The following MED15 variants were observed in gnomAD, a reference collection of about 807,000 sequenced individuals.
MED15 encodes mediator complex subunit 15.
A neutral mutation model predicts 118.7 loss-of-function variants in MED15; 41 were observed. The observed-to-expected ratio is 0.35, with a 90% CI of 0.27 to 0.45. The LOEUF (loss-of-function observed/expected upper bound fraction) is 0.45. Ranked by LOEUF, MED15 falls within the 20% of genes least tolerant of loss-of-function variation. The pLI, the probability that MED15 is intolerant of heterozygous loss-of-function variation, is 1.00. For synonymous variants in MED15, 436 were observed against 413.9 expected (o/e 1.05, Z -0.65); for missense variants, 740 against 1,025.5 (o/e 0.72, Z 3.80).
intron 1 of MED15, among the ~76,000 whole-genome samples, chr22:20,519,325 T>C (rs165845): frequency 0.99 from 151,349 of 152,308 alleles, 75,205 homozygotes; most frequent in East Asian, 1. Context: ...ATAGAGGCCC[T>C]GTGATTGGGT....
rs1168063111 is a variant in MED15, at chr22:20,585,840, G to A, written c.2230+14G>A. 2 of 1,611,700 alleles carry A rather than the reference G, an allele frequency of 1.2e-6. No individual in the cohort carries two copies. The highest frequency in any genetic ancestry group is 1.7e-5 in the Admixed American group (1 of 59,990). On this transcript the variant is annotated intron_variant, in intron 17 of 17. Transcript: ENST00000263205. ...AGTGGCAGTACGGTAGGTAGACCCA[G>A]AGGAGCTGTCTGGGGACCCAGGGCA...
intron 2 of MED15, among the ~76,000 whole-genome samples, chr22:20,550,772 G>A (rs1473224733): frequency 2.0e-5 from 3 of 152,282 alleles, no homozygotes; most frequent in Non-Finnish European, 2.9e-5. Flanking sequence ...AGAGGACAAT[G>A]GGTGGGAGGC....
rs1415717245 is a variant in MED15, at chr22:20,587,188, C to T, written c.*484C>T. ...TGCTGCTTTGGGCAGGTGGAGCACC[C>T]CCCGAGGAAGCCTGCAAGTCCAGGG... is the stretch of plus-strand genomic sequence containing the variant. On this transcript the variant is annotated 3_prime_UTR_variant, in exon 18 of 18. Transcript: ENST00000263205. 2 of 162,646 alleles carry T rather than the reference C, an allele frequency of 1.2e-5. No homozygotes were observed. Among genetic ancestry groups the T allele is most frequent in the African/African-American group, 4.8e-5 (2 of 41,804 alleles). The allele number at this position is 162,646 out of a possible 1,614,324, so 10.1% of individuals were successfully genotyped here.
At chr22:20,585,862 G>T in intron 17 of MED15, 36 bp downstream of exon 17, 4 of 1,592,372 alleles carry the variant, frequency 2.5e-6, no homozygotes, top group Non-Finnish European at 3.4e-6. Flanking sequence ...GGGGACCCAG[G>T]GCAAGCAGGG....
chr22:20,555,523 A>G (rs1161080497), intron 5 of MED15, among the ~76,000 whole-genome samples: 5 of 152,220 alleles, frequency 3.3e-5, no homozygotes, highest in South Asian at 4.1e-4. Flanking sequence ...AGCTCTGGGC[A>G]CCATCTCTTC....
intron 1 of MED15, among the ~76,000 whole-genome samples, chr22:20,530,051 C>A (rs1189216972): frequency 6.6e-6 from 1 of 152,124 alleles, no homozygotes; most frequent in Non-Finnish European, 1.5e-5. Context: ...ATGGGAAAAT[C>A]TTTTTTCCTT....
Position 20,582,892 on chromosome 22 carries a change from C to G in MED15, c.1462C>G (p.Pro488Ala). 1 of 1,613,630 alleles carries G rather than the reference C, an allele frequency of 6.2e-7. No individual in the cohort carries two copies. Among genetic ancestry groups the G allele is most frequent in the Non-Finnish European group, 8.5e-7 (1 of 1,180,008 alleles). ...SSFLPSPSPQ[P>A]SQSPVTARTP... Reference sequence around the variant, plus strand: ...CTTCCTGCCCAGCCCCTCACCGCAGCCCTCCCAGAGCCCAGTGACGGCGCG... The same window carrying G: ...CTTCCTGCCCAGCCCCTCACCGCAGGCCTCCCAGAGCCCAGTGACGGCGCG... Residue 488 changes from proline (P) to alanine (A), a missense_variant, in exon 11 of 18, where the codon CCC (proline) becomes GCC (alanine). Transcript: ENST00000263205.
intron 1 of MED15, chr22:20,523,866 T>C (rs2054544121): frequency 1.0e-6 from 1 of 983,820 alleles, no homozygotes. Context: ...GTTAGTTCTT[T>C]CAATGATCTT....
At chr22:20,539,450 A>G (rs1002493087) in intron 2 of MED15, among the ~76,000 whole-genome samples, 2 of 152,174 alleles carry the variant, frequency 1.3e-5, no homozygotes, top group African/African-American at 4.8e-5. Flanking sequence ...CCATTTCTGG[A>G]TGGCCATATC....
In MED15 at chr22:20,584,985, C is replaced by A; in HGVS notation, c.1934C>A (p.Ala645Asp). ...NHSLYRTFVPAMTAIHGPPIT... is the reference protein window; with the variant it reads ...NHSLYRTFVPDMTAIHGPPIT... ...TCCCTGTACCGCACATTCGTTCCAG[C>A]CATGACCGCCATTCACGGCCCACCC... The change falls in exon 15 of 18, where the codon GCC becomes GAC. Residue 645 changes from alanine (A) to aspartate (D), a missense_variant. By Grantham distance (126) the Ala-to-Asp change is moderately radical. Transcript: ENST00000263205. The A allele has an allele frequency of 6.2e-7, 1 of 1,614,068 alleles. No individual in the cohort carries two copies. Among genetic ancestry groups the A allele is most frequent in the South Asian group, 1.1e-5 (1 of 91,086 alleles).
intron 1 of MED15, chr22:20,508,547 G>A (rs1025691275): frequency 3.6e-5 from 18 of 505,144 alleles, no homozygotes; most frequent in African/African-American, 3.2e-4. Flanking sequence ...TAGGATTTGG[G>A]AAGGTAATGG....
At chr22:20,536,025 C>T (rs1204381983) in intron 1 of MED15, among the ~76,000 whole-genome samples, 5 of 151,832 alleles carry the variant, frequency 3.3e-5, no homozygotes, top group African/African-American at 9.7e-5. Flanking sequence ...TACAGGCATG[C>T]GCAACCACAC....
At position 20,585,160 on chromosome 22, in the gene MED15, C is replaced by T. The variant is rs1325684933; in HGVS notation, c.2024C>T (p.Pro675Leu). The change falls in exon 16 of 18, where the codon CCC (proline) becomes CTC (leucine). Residue 675 changes from proline (P) to leucine (L), a missense_variant. By Grantham distance (98) the Pro-to-Leu change is moderately conservative. This residue lies in a region of MED15 where 179 missense variants were observed against 259.0 expected (regional missense o/e 0.69). Coordinates refer to ENST00000263205, the MANE Select transcript of MED15 (RefSeq NM_001003891.3). ...RLEDDERQSIPSVLQGEVARL... is the reference protein window; with the variant it reads ...RLEDDERQSILSVLQGEVARL... ...GAGGATGATGAGCGGCAGAGCATCC[C>T]CAGTGTGCTCCAGGGTGAGGTGGCC... The T allele has an allele frequency of 6.2e-7, 1 of 1,613,766 alleles. No individual in the cohort carries two copies. The highest frequency in any genetic ancestry group is 2.2e-5 in the East Asian group (1 of 44,890).
At chr22:20,568,306 A>G (rs2056517524) in intron 7 of MED15, among the ~76,000 whole-genome samples, 1 of 152,132 alleles carries the variant, frequency 6.6e-6, no homozygotes, top group South Asian at 2.1e-4. Context: ...GTGTGGAGAC[A>G]TCCCAGTGGG....
chr22:20,541,654 T>TC (rs1161642294), intron 2 of MED15, among the ~76,000 whole-genome samples: 2 of 148,400 alleles, frequency 1.3e-5, no homozygotes, highest in Non-Finnish European at 3.0e-5. Context: ...CAGCTAATTT[T>TC]TTTTTTTTTT....
At position 20,566,454 on chromosome 22, in the gene MED15, G is replaced by A; in HGVS notation, c.691-13G>A. 1 of 1,610,758 alleles carries A rather than the reference G, an allele frequency of 6.2e-7. No individual in the cohort carries two copies. The highest frequency in any genetic ancestry group is 8.5e-7 in the Non-Finnish European group (1 of 1,179,548). ...GATGAGTGATAACCGAGTGCTGCTT[G>A]TTCTGTCTCTAGATACAGCAGCAGC... is the stretch of plus-strand genomic sequence containing the variant. On this transcript the variant is annotated splice_polypyrimidine_tract_variant and intron_variant, in intron 6 of 17. Transcript: ENST00000263205.
chr22:20,548,888 CAT>C, intron 2 of MED15, among the ~76,000 whole-genome samples: 1 of 152,298 alleles, frequency 6.6e-6, no homozygotes, highest in Non-Finnish European at 1.5e-5. Context: ...CTCATTGCAG[CAT>C]TGATCTCCCA....
chr22:20,510,625 C>T (rs2054030817), intron 1 of MED15, among the ~76,000 whole-genome samples: 1 of 152,162 alleles, frequency 6.6e-6, no homozygotes. Context: ...TCCTTACTGG[C>T]TGTTAGCCAG....
chr22:20,583,649 C>T, intron 13 of MED15: 1 of 492,922 alleles, frequency 2.0e-6, no homozygotes, highest in Non-Finnish European at 3.7e-6. Context: ...CAGACCTCAT[C>T]CAGTCAGCAG....
Sources: gnomAD v4.1 joint callset for allele counts (sites outside exome capture counted in the v4.1 genomes callset) on GRCh38, gnomAD v4.1.1 for gene constraint, gnomAD v4.1.1 regional missense constraint, MANE v1.5 for transcripts, NCBI Gene and HGNC (gene_info 2026-07-23, HGNC 2026-07-21) for gene names.